CERS6: variants seen among roughly 807,000 people sequenced by gnomAD.
CERS6 encodes ceramide synthase 6.
In CERS6, 26 loss-of-function variants were observed where a neutral mutation model predicts 56.8. That is an observed-to-expected ratio of 0.46 (90% CI 0.34 to 0.63). CERS6 has a LOEUF of 0.63. Among genes scored for constraint, CERS6 ranks in the 30% least tolerant of loss-of-function variants. The pLI is 0.01. For synonymous variants in CERS6, 164 were observed against 173.3 expected, an observed-to-expected ratio of 0.95 and a Z score of 0.42; for missense variants, 415 against 467.5, an observed-to-expected ratio of 0.89 and a Z score of 1.04.
rs552237708 is a variant in CERS6, at chr2:168,485,784, T to C, written c.170+29166T>C. On this transcript the variant is annotated intron_variant, in intron 1 of 9. Transcript: ENST00000305747. ...GGTTGTGTCCAAGTTTTGGCAATTA[T>C]GAATGAAGCTGCTATAAATGTTTGT... Among the ~76,000 whole-genome samples the C allele has an allele frequency of 2.0e-5, 3 of 152,338 alleles. No individual in the cohort carries two copies. In the South Asian group the frequency reaches 6.2e-4, roughly 32 times the overall value.
At chr2:168,713,038 G>T (rs7590547) in intron 6 of CERS6, among the ~76,000 whole-genome samples, 55,503 of 151,512 alleles carry the variant, frequency 0.37, 12,788 homozygotes, top group Non-Finnish European at 0.51. Flanking sequence ...TTTTTTGTCT[G>T]TTCTCCCCTA....
intron 8 of CERS6, among the ~76,000 whole-genome samples, chr2:168,740,027 C>T (rs914705297): frequency 6.6e-6 from 1 of 152,034 alleles, no homozygotes; most frequent in Admixed American, 6.5e-5. Flanking sequence ...AGGGGATGTT[C>T]CTTGAGCTCT....
At chr2:168,684,201 A>G (rs1574158167) in intron 4 of CERS6, among the ~76,000 whole-genome samples, 1 of 152,282 alleles carries the variant, frequency 6.6e-6, no homozygotes, top group East Asian at 1.9e-4. Flanking sequence ...TTACATTTCC[A>G]CATCAGGAGA....
At chr2:168,691,551 T>G (rs1686503491) in intron 5 of CERS6, among the ~76,000 whole-genome samples, 1 of 152,200 alleles carries the variant, frequency 6.6e-6, no homozygotes, top group Admixed American at 6.5e-5. Context: ...TTTCCTTGAG[T>G]GCAGAAAAAT....
intron 4 of CERS6, among the ~76,000 whole-genome samples, chr2:168,635,414 C>T (rs573471473): frequency 1.8e-4 from 28 of 152,114 alleles, no homozygotes; most frequent in Admixed American, 1.6e-3. Context: ...AGGGGATGAA[C>T]GTGATGACAA....
chr2:168,677,464 T>C (rs901938669), intron 4 of CERS6, among the ~76,000 whole-genome samples: 3 of 152,184 alleles, frequency 2.0e-5, no homozygotes, highest in Non-Finnish European at 2.9e-5. Context: ...TTGTGAATAG[T>C]GCTGCGGTAA....
intron 2 of CERS6, among the ~76,000 whole-genome samples, chr2:168,555,451 G>A (rs976394352): frequency 2.0e-5 from 3 of 151,996 alleles, no homozygotes; most frequent in Admixed American, 1.3e-4. Context: ...ATGGAGATAA[G>A]CAGAAGGAAG....
rs1006832218 is a variant in CERS6 at position 168,765,977 on chromosome 2, A to G, written c.1002+229A>G. Reference sequence around the variant, plus strand: ...TTTGTAATTTTAGACTTAATAATATATTATTTGTTGTGTTCGCTCTCCCTC... The same window carrying G: ...TTTGTAATTTTAGACTTAATAATATGTTATTTGTTGTGTTCGCTCTCCCTC... On this transcript the variant is annotated intron_variant, in intron 9 of 9. Coordinates refer to ENST00000305747, the MANE Select transcript of CERS6 (RefSeq NM_203463.3). 3.9e-5 allele frequency among the ~76,000 whole-genome samples: 6 copies of G among 152,136 alleles called. No homozygotes were observed. The South Asian group carries it at 1.0e-3, about 26-fold the overall frequency.
At chr2:168,614,748 G>A (rs1221799904) in intron 3 of CERS6, among the ~76,000 whole-genome samples, 2 of 152,102 alleles carry the variant, frequency 1.3e-5, no homozygotes, top group Non-Finnish European at 2.9e-5. Context: ...GCTCAGACGT[G>A]CCTAGCCTTG....
chr2:168,522,107 C>T (rs977704751), intron 1 of CERS6, among the ~76,000 whole-genome samples: 22 of 152,044 alleles, frequency 1.4e-4, no homozygotes, highest in African/African-American at 5.3e-4. Context: ...GTTTTGATTC[C>T]TGGAAAATTT....
intron 1 of CERS6, among the ~76,000 whole-genome samples, chr2:168,478,098 T>G (rs1026257471): frequency 5.9e-5 from 9 of 152,278 alleles, no homozygotes; most frequent in East Asian, 1.9e-4. Flanking sequence ...GGGTTTTTTT[T>G]TTTGTTTGTT....
At chr2:168,767,102 G>A (rs1684748974) in intron 9 of CERS6, among the ~76,000 whole-genome samples, 1 of 152,158 alleles carries the variant, frequency 6.6e-6, no homozygotes. Context: ...GATTACTTGT[G>A]TCCTTAATTG....
At chr2:168,481,753 AGTT>A (rs1425738667) in intron 1 of CERS6, among the ~76,000 whole-genome samples, 3 of 152,250 alleles carry the variant, frequency 2.0e-5, no homozygotes. Flanking sequence ...CTGAAAGACC[AGTT>A]GTTTCTCCCA....
chr2:168,694,236 C>T (rs1686579530), intron 5 of CERS6, among the ~76,000 whole-genome samples: 1 of 152,138 alleles, frequency 6.6e-6, no homozygotes, highest in African/African-American at 2.4e-5. Context: ...CTGACTTCCA[C>T]TGCCTCTCTG....
chr2:168,574,370 TTG>T (rs59913751), intron 3 of CERS6, among the ~76,000 whole-genome samples: 5,626 of 148,550 alleles, frequency 0.038, 132 homozygotes, highest in Non-Finnish European at 0.054. Context: ...TCAATAAGTT[TTG>T]TGTGTGTGTG....
intron 1 of CERS6, among the ~76,000 whole-genome samples, chr2:168,479,666 T>C (rs1694141480): frequency 6.6e-6 from 1 of 152,178 alleles, no homozygotes; most frequent in Admixed American, 6.5e-5. Context: ...TGGAGTGCAA[T>C]GGCGCGATCT....
At chr2:168,561,110 T>A in intron 2 of CERS6, 82 bp from the exon 3 acceptor site, 1 of 1,467,466 alleles carries the variant, frequency 6.8e-7, no homozygotes, top group African/African-American at 1.4e-5. Flanking sequence ...AAAAAACCTC[T>A]CAGATATAGA....
Position 168,770,016 on chromosome 2 carries a change from C to G in CERS6, c.*354C>G. ...AGTGAAGGAGATGCTCCATCTGCTT[C>G]TCCCCCTTTCTCTTGCTGTAGTCCA... On this transcript the variant is annotated 3_prime_UTR_variant, in exon 10 of 10. Transcript: ENST00000305747. The G allele has an allele frequency of 3.9e-6, 1 of 254,712 alleles. No individual in the cohort carries two copies. The highest frequency in any genetic ancestry group is 1.7e-4 in the East Asian group (1 of 5,990). 15.8% of individuals were successfully genotyped at this position (254,712 alleles called of 1,614,324 possible). A position where few individuals can be genotyped will look rare whatever the true frequency, so the allele number is the denominator to read the frequency against.
At chr2:168,556,850 A>C (rs1695687870) in intron 2 of CERS6, among the ~76,000 whole-genome samples, 1 of 152,068 alleles carries the variant, frequency 6.6e-6, no homozygotes, top group Admixed American at 6.5e-5. Context: ...AAAAGCAAAC[A>C]ATAAGCATTA....
Sources: gnomAD v4.1 joint callset for allele counts (sites outside exome capture counted in the v4.1 genomes callset) on GRCh38, gnomAD v4.1.1 for gene constraint, MANE v1.5 for transcripts, NCBI Gene and HGNC (gene_info 2026-07-23, HGNC 2026-07-21) for gene names.